SLC24A2: variants seen among roughly 807,000 people sequenced by gnomAD.
The protein encoded by SLC24A2 is sodium/potassium/calcium exchanger 2.
Under a neutral mutation model 62.0 loss-of-function variants are expected in SLC24A2, and 36 were observed. The ratio of observed to expected loss-of-function variants is 0.58; its 90% CI spans 0.44 to 0.77. The LOEUF (loss-of-function observed/expected upper bound fraction) is 0.77. Among genes scored for constraint, SLC24A2 ranks in the 30% least tolerant of loss-of-function variants. SLC24A2 has a pLI of 0.00. For missense variants in SLC24A2, 846 were observed against 817.9 expected, an observed-to-expected ratio of 1.03 and a Z score of -0.42; for synonymous variants, 358 against 294.0, an observed-to-expected ratio of 1.22 and a Z score of -2.23.
chr9:20,014,676 A>G, the SLC24A2 span, among the ~76,000 whole-genome samples: 1 of 152,130 alleles, frequency 6.6e-6, no homozygotes, highest in African/African-American at 2.4e-5. Context: ...GGAATCTGAT[A>G]AAGTTGAATT....
chr9:20,104,187 T>C, the SLC24A2 span, among the ~76,000 whole-genome samples: 1 of 152,038 alleles, frequency 6.6e-6, no homozygotes, highest in Admixed American at 6.6e-5. Flanking sequence ...CTCCAAGAAA[T>C]ATGGGACTAT....
At position 19,597,291 on chromosome 9, in the gene SLC24A2, C is replaced by G; in HGVS notation, c.1079-12G>C. The G allele has an allele frequency of 6.6e-7, 1 of 1,522,604 alleles. No homozygotes were observed. Among genetic ancestry groups the G allele is most frequent in the Non-Finnish European group, 9.1e-7 (1 of 1,096,770 alleles). The allele number at this position is 1,522,604 out of a possible 1,614,324, so 94.3% of individuals were successfully genotyped here. A position where few individuals can be genotyped will look rare whatever the true frequency, so the allele number is the denominator to read the frequency against. On this transcript the variant is annotated splice_polypyrimidine_tract_variant and intron_variant, in intron 4 of 10. Transcript: ENST00000341998. ...ATATGATCCAAGTTCTACAACATCA[C>G]AGTAAAAGACACAAAGATAAGGAAC...
chr9:20,162,218 A>G, the SLC24A2 span, among the ~76,000 whole-genome samples: 1 of 151,720 alleles, frequency 6.6e-6, no homozygotes, highest in Non-Finnish European at 1.5e-5. Context: ...TTATTATGCA[A>G]CATAGCAAGA....
the SLC24A2 span, among the ~76,000 whole-genome samples, chr9:20,066,168 T>C: frequency 1.3e-5 from 2 of 152,160 alleles, no homozygotes; most frequent in African/African-American, 2.4e-5. Flanking sequence ...TTTAGACAAT[T>C]TGCTTTATTG....
At chr9:20,060,281 C>T in the SLC24A2 span, among the ~76,000 whole-genome samples, 3 of 151,966 alleles carry the variant, frequency 2.0e-5, no homozygotes, top group Admixed American at 2.0e-4. Flanking sequence ...TAGAAGAGAA[C>T]GGAACATTTT....
At chr9:20,204,187 A>G in the SLC24A2 span, among the ~76,000 whole-genome samples, 438 of 152,354 alleles carry the variant, frequency 2.9e-3, 5 homozygotes, top group African/African-American at 1.0e-2. Context: ...CTAGAGAAAC[A>G]CATATATAGT....
At chr9:19,581,773 G>A (rs1175421222) in intron 5 of SLC24A2, among the ~76,000 whole-genome samples, 1 of 152,124 alleles carries the variant, frequency 6.6e-6, no homozygotes, top group African/African-American at 2.4e-5. Flanking sequence ...TGGCATAGAG[G>A]AACGAATCTA....
the SLC24A2 span, among the ~76,000 whole-genome samples, chr9:20,029,413 T>C: frequency 5.3e-5 from 8 of 152,332 alleles, no homozygotes; most frequent in African/African-American, 1.9e-4. Flanking sequence ...TCATTTACTA[T>C]CACAACAACC....
chr9:20,201,957 G>GA, the SLC24A2 span, among the ~76,000 whole-genome samples: 1 of 151,642 alleles, frequency 6.6e-6, no homozygotes, highest in African/African-American at 2.4e-5. Context: ...GGGAATTGTA[G>GA]AAAAAAAGAA....
At chr9:20,113,247 A>C in the SLC24A2 span, among the ~76,000 whole-genome samples, 8 of 152,280 alleles carry the variant, frequency 5.3e-5, no homozygotes, top group South Asian at 1.7e-3. Flanking sequence ...GATGAAGAAC[A>C]GACTCTATGC....
chr9:19,820,055 A>ATGTG, the SLC24A2 span, among the ~76,000 whole-genome samples: 1 of 14,818 alleles, frequency 6.7e-5, no homozygotes, highest in African/African-American at 1.3e-4. Flanking sequence ...ATATATATAT[A>ATGTG]CACATATATA....
the SLC24A2 span, among the ~76,000 whole-genome samples, chr9:20,125,102 T>C: frequency 6.6e-6 from 1 of 152,190 alleles, no homozygotes; most frequent in Non-Finnish European, 1.5e-5. Flanking sequence ...AAGTACAAAA[T>C]GCCCAGTTCA....
chr9:19,908,897 G>T, the SLC24A2 span, among the ~76,000 whole-genome samples: 12 of 152,092 alleles, frequency 7.9e-5, no homozygotes, highest in South Asian at 4.2e-4. Flanking sequence ...CTGTAAACTA[G>T]TTCAACTATT....
At chr9:19,936,560 C>G in the SLC24A2 span, among the ~76,000 whole-genome samples, 13 of 152,198 alleles carry the variant, frequency 8.5e-5, no homozygotes, top group Non-Finnish European at 1.5e-4. Flanking sequence ...AGGCGCTCAG[C>G]CTCTTCACTT....
chr9:20,277,576 G>C, the SLC24A2 span, among the ~76,000 whole-genome samples: 2,219 of 151,632 alleles, frequency 0.015, 62 homozygotes, highest in African/African-American at 0.051. Flanking sequence ...TCATTAAAAA[G>C]TCAGGAAACA....
At chr9:20,273,098 C>T in the SLC24A2 span, among the ~76,000 whole-genome samples, 15,398 of 152,204 alleles carry the variant, frequency 0.1, 826 homozygotes, top group East Asian at 0.18. Flanking sequence ...CCACACCCAA[C>T]AGAGGATGTG....
At chr9:19,532,178 G>T (rs995480155) in intron 8 of SLC24A2, among the ~76,000 whole-genome samples, 2 of 152,168 alleles carry the variant, frequency 1.3e-5, no homozygotes, top group Non-Finnish European at 2.9e-5. Flanking sequence ...CACCTTGTGG[G>T]TTCAAGTGTT....
At chr9:20,077,508 A>G in the SLC24A2 span, among the ~76,000 whole-genome samples, 1 of 152,168 alleles carries the variant, frequency 6.6e-6, no homozygotes, top group African/African-American at 2.4e-5. Context: ...TCGGCGCTCT[A>G]CAGTGTGGGG....
chr9:19,662,334 A>G (rs1260976562), intron 2 of SLC24A2, among the ~76,000 whole-genome samples: 1 of 152,204 alleles, frequency 6.6e-6, no homozygotes, highest in Non-Finnish European at 1.5e-5. Flanking sequence ...ATTTCAATTC[A>G]GACTAGACAC....
Sources: allele counts gnomAD v4.1 joint callset (sites outside exome capture counted in the v4.1 genomes callset), GRCh38; gene constraint gnomAD v4.1.1; transcripts MANE v1.5; gene names NCBI Gene and HGNC (gene_info 2026-07-23, HGNC 2026-07-21).